Variants in DIS3L2 observed in about 807,000 individuals in gnomAD.
DIS3L2 encodes the protein DIS3 like 3'-5' exoribonuclease 2, also known as DIS3-like exonuclease 2.
A neutral mutation model predicts 97.5 loss-of-function variants in DIS3L2; 34 were observed. That is an observed-to-expected ratio of 0.35 (90% CI 0.27 to 0.46). DIS3L2 has a LOEUF of 0.46. Ranked by LOEUF, DIS3L2 falls within the 20% of genes least tolerant of loss-of-function variation. The probability of loss-of-function intolerance (pLI) is 1.00; values close to 1 mark genes in which losing one functional copy is unlikely to be tolerated. For missense variants in DIS3L2, 1,038 were observed against 1,146.0 expected (o/e 0.91, Z 1.36); for synonymous variants, 435 against 445.2 (o/e 0.98, Z 0.29).
rs574389322 is a variant in DIS3L2 at position 232,188,674 on chromosome 2, A to T, written c.1125-21652A>T. 2.0e-5 allele frequency among the ~76,000 whole-genome samples: 3 copies of T among 152,366 alleles called. No homozygotes were observed. In the South Asian group the frequency reaches 6.2e-4, roughly 32 times the overall value. On this transcript the variant is annotated intron_variant, in intron 9 of 20. Coordinates refer to ENST00000325385, the MANE Select transcript of DIS3L2 (RefSeq NM_152383.5). ...TTACAGGATGTAGGACTAGAGAAAG[A>T]GTTCTTAGACTTTGACATAGTACAG... is the stretch of plus-strand genomic sequence containing the variant.
intron 6 of DIS3L2, among the ~76,000 whole-genome samples, chr2:232,089,980 A>C (rs1696788952): frequency 6.6e-6 from 1 of 152,128 alleles, no homozygotes; most frequent in African/African-American, 2.4e-5. Context: ...CCCAGGCTAG[A>C]GTGCAATGGT....
chr2:232,153,590 T>C (rs1230733673), intron 8 of DIS3L2, among the ~76,000 whole-genome samples: 79 of 74,088 alleles, frequency 1.1e-3, no homozygotes, highest in East Asian at 5.0e-3. Context: ...TGATGGGCTT[T>C]CCTTTGAGGG....
intron 5 of DIS3L2, among the ~76,000 whole-genome samples, chr2:232,065,064 A>G (rs1695816700): frequency 6.6e-6 from 1 of 152,042 alleles, no homozygotes; most frequent in African/African-American, 2.4e-5. Flanking sequence ...GTCTATCCCA[A>G]AGTTGCAAAG....
At chr2:232,266,233 A>T (rs1693855577) in intron 13 of DIS3L2, among the ~76,000 whole-genome samples, 1 of 152,186 alleles carries the variant, frequency 6.6e-6, no homozygotes, top group Non-Finnish European at 1.5e-5. Flanking sequence ...ATAGATAAAG[A>T]TCTGTTGGCA....
At chr2:232,084,839 A>G (rs967643041) in intron 5 of DIS3L2, among the ~76,000 whole-genome samples, 2 of 149,670 alleles carry the variant, frequency 1.3e-5, no homozygotes, top group African/African-American at 4.9e-5. Flanking sequence ...TTCTATTACT[A>G]TATTTTTATG....
At chr2:231,990,650 C>T (rs1415997957) in intron 1 of DIS3L2, among the ~76,000 whole-genome samples, 1 of 152,094 alleles carries the variant, frequency 6.6e-6, no homozygotes, top group Non-Finnish European at 1.5e-5. Context: ...TTTGAGATCT[C>T]TTTCAATTTT....
chr2:232,311,588 G>T (rs1162511205), intron 14 of DIS3L2, among the ~76,000 whole-genome samples: 2 of 152,128 alleles, frequency 1.3e-5, no homozygotes, highest in East Asian at 3.8e-4. Context: ...ATAATAAATA[G>T]AACATTACAG....
At chr2:232,220,260 G>A (rs564436851) in intron 10 of DIS3L2, among the ~76,000 whole-genome samples, 63 of 152,200 alleles carry the variant, frequency 4.1e-4, no homozygotes, top group African/African-American at 1.4e-3. Context: ...AGTGAGCCAA[G>A]ATGGCGCCAC....
chr2:232,111,441 T>C (rs917637397), intron 6 of DIS3L2, among the ~76,000 whole-genome samples: 2 of 152,198 alleles, frequency 1.3e-5, no homozygotes, highest in African/African-American at 2.4e-5. Flanking sequence ...CCTTGTACTT[T>C]GGGCAAAGTT....
intron 10 of DIS3L2, among the ~76,000 whole-genome samples, chr2:232,224,783 C>T (rs1017964624): frequency 6.7e-6 from 1 of 149,162 alleles, no homozygotes; most frequent in Non-Finnish European, 1.5e-5. Flanking sequence ...GGTTGCAGTG[C>T]GTTGAGATTG....
At chr2:232,343,351 G>C in exon 14 of DIS3L2, 1 of 1,555,500 alleles carries the variant, frequency 6.4e-7, no homozygotes, top group East Asian at 2.4e-5. Context: ...CCAGCAGAAC[G>C]CAGACAAGGA....
chr2:232,019,950 G>A (rs56292657), intron 3 of DIS3L2, among the ~76,000 whole-genome samples: 8,507 of 151,776 alleles, frequency 0.056, 339 homozygotes, highest in Non-Finnish European at 0.087. Context: ...AAGCCTCTGT[G>A]AGATGATCTG....
At chr2:232,204,620 G>A (rs1371730168) in intron 9 of DIS3L2, among the ~76,000 whole-genome samples, 1 of 152,118 alleles carries the variant, frequency 6.6e-6, no homozygotes, top group Non-Finnish European at 1.5e-5. Context: ...CCATTGTTGT[G>A]GAACTCTTTA....
chr2:232,010,989 C>A (rs188264003), intron 1 of DIS3L2, among the ~76,000 whole-genome samples: 1 of 152,182 alleles, frequency 6.6e-6, no homozygotes, highest in African/African-American at 2.4e-5. Flanking sequence ...CTCAAGACAC[C>A]GTTTATTTCA....
intron 5 of DIS3L2, among the ~76,000 whole-genome samples, chr2:232,058,149 C>T (rs1695598651): frequency 6.6e-6 from 1 of 152,310 alleles, no homozygotes; most frequent in South Asian, 2.1e-4. Flanking sequence ...CTCTCATTGA[C>T]ATGTCACTTA....
At chr2:232,176,809 A>G (rs984527615) in intron 9 of DIS3L2, among the ~76,000 whole-genome samples, 1 of 149,414 alleles carries the variant, frequency 6.7e-6, no homozygotes, top group Non-Finnish European at 1.5e-5. Context: ...TATTATTATT[A>G]TTTTTTAAAT....
intron 5 of DIS3L2, among the ~76,000 whole-genome samples, chr2:232,053,956 TC>T (rs1168784127): frequency 6.6e-6 from 1 of 152,160 alleles, no homozygotes; most frequent in Non-Finnish European, 1.5e-5. Flanking sequence ...GTTCCAACCC[TC>T]TAATCACATG....
chr2:232,023,187 A>G lies in DIS3L2; in HGVS notation c.211-1090A>G, dbSNP rs536908792. On this transcript the variant is annotated intron_variant, in intron 3 of 20. Coordinates refer to ENST00000325385, the MANE Select transcript of DIS3L2 (RefSeq NM_152383.5). ...AAATAGGGATTGAGCTTAGTTAATC[A>G]TTATCTTCTCCATCAGTGTGTCTCA... The G allele has an allele frequency of 5.9e-5, 9 of 152,298 alleles. No homozygotes were observed. In the South Asian group the frequency reaches 1.9e-3, roughly 32 times the overall value. 9.4% of individuals were successfully genotyped at this position (152,298 alleles called of 1,614,324 possible).
intron 3 of DIS3L2, among the ~76,000 whole-genome samples, chr2:232,019,632 G>T (rs1694457756): frequency 6.6e-6 from 1 of 151,100 alleles, no homozygotes; most frequent in African/African-American, 2.4e-5. Flanking sequence ...GGGAATAGAT[G>T]TGATGTTACA....
Sources: gnomAD v4.1 joint callset for allele counts (sites outside exome capture counted in the v4.1 genomes callset) on GRCh38, gnomAD v4.1.1 for gene constraint, MANE v1.5 for transcripts, NCBI Gene and HGNC (gene_info 2026-07-23, HGNC 2026-07-21) for gene names.